LDAF1: variants seen among roughly 807,000 people sequenced by gnomAD.
LDAF1 encodes lipid droplet assembly factor 1.
In LDAF1, 7 loss-of-function variants were observed where a neutral mutation model predicts 13.5. The ratio of observed to expected loss-of-function variants is 0.52; its 90% CI spans 0.29 to 0.97. The LOEUF (loss-of-function observed/expected upper bound fraction) is 0.97, where lower values mean the gene tolerates loss of function less well. Among genes scored for constraint, LDAF1 ranks in the 50% least tolerant of loss-of-function variants. The probability of loss-of-function intolerance (pLI) is 0.07; values close to 1 mark genes in which losing one functional copy is unlikely to be tolerated. For synonymous variants in LDAF1, 69 were observed against 77.1 expected (o/e 0.89, Z 0.55); for missense variants, 148 against 193.2 (o/e 0.77, Z 1.39).
At chr16:21,160,159 A>G (rs931156805) in intron 1 of LDAF1, among the ~76,000 whole-genome samples, 1 of 139,270 alleles carries the variant, frequency 7.2e-6, no homozygotes, top group Admixed American at 7.4e-5. Flanking sequence ...CGTGGACACA[A>G]TCTTTTAAGC....
intron 3 of LDAF1, among the ~76,000 whole-genome samples, chr16:21,173,057 C>A (rs1013248982): frequency 1.3e-5 from 2 of 152,020 alleles, no homozygotes; most frequent in Non-Finnish European, 2.9e-5. Context: ...TTTCCTTGCA[C>A]GTATTAGATG....
chr16:21,161,335 A>T, intron 2 of LDAF1, 57 bp downstream of exon 2: 1 of 1,567,924 alleles, frequency 6.4e-7, no homozygotes. Context: ...TAGCATAAAC[A>T]AGATAGAAAG....
intron 2 of LDAF1, among the ~76,000 whole-genome samples, chr16:21,167,545 G>C (rs2093035618): frequency 6.6e-6 from 1 of 152,156 alleles, no homozygotes; most frequent in Admixed American, 6.5e-5. Context: ...GCCCGGTGAA[G>C]GAAAATAAAC....
At position 21,180,592 on chromosome 16, in the gene LDAF1, C is replaced by T. The variant is rs2093173325; in HGVS notation, c.*1036C>T. 6.6e-6 allele frequency: 1 copy of T among 152,182 alleles called. No homozygotes were observed. Among genetic ancestry groups the T allele is most frequent in the Non-Finnish European group, 1.5e-5 (1 of 68,034 alleles). The allele number at this position is 152,182 out of a possible 1,614,324, so 9.4% of individuals were successfully genotyped here. A position where few individuals can be genotyped will look rare whatever the true frequency, so the allele number is the denominator to read the frequency against. On this transcript the variant is annotated 3_prime_UTR_variant, in exon 5 of 5. Coordinates refer to ENST00000233047, the MANE Select transcript of LDAF1 (RefSeq NM_001301771.2). ...AAAGGACTAGTAAGTAAAAATAAAA[C>T]TTCCTATGGGATTTCCCAGTGGAAT...
chr16:21,177,457 G>A (rs988188841), intron 4 of LDAF1: 2 of 151,868 alleles, frequency 1.3e-5, no homozygotes, highest in Admixed American at 1.3e-4. Flanking sequence ...TTACCCATTG[G>A]TCAATGGGAG....
chr16:21,176,356 C>G (rs1480931008), intron 4 of LDAF1, among the ~76,000 whole-genome samples: 2 of 152,142 alleles, frequency 1.3e-5, no homozygotes, highest in Non-Finnish European at 2.9e-5. Context: ...ATTGAGGCAT[C>G]TGAAGAGATG....
chr16:21,164,428 T>C (rs1289473189), intron 2 of LDAF1, among the ~76,000 whole-genome samples: 1 of 152,074 alleles, frequency 6.6e-6, no homozygotes, highest in Non-Finnish European at 1.5e-5. Context: ...ATTTTATTTT[T>C]TGGAGAGACA....
At chr16:21,161,324 C>G (rs745742137) in intron 2 of LDAF1, 46 bp downstream of exon 2, 1 of 1,585,494 alleles carries the variant, frequency 6.3e-7, no homozygotes, top group Admixed American at 1.8e-5. Flanking sequence ...CAATATAACA[C>G]TAGCATAAAC....
chr16:21,168,579 ATATT>A (rs904550852), intron 2 of LDAF1, among the ~76,000 whole-genome samples: 6 of 143,868 alleles, frequency 4.2e-5, no homozygotes, highest in Non-Finnish European at 7.5e-5. Flanking sequence ...TAAATATAAT[ATATT>A]TATATAATAT....
intron 2 of LDAF1, chr16:21,165,500 CAG>C: frequency 2.7e-6 from 2 of 730,022 alleles, no homozygotes; most frequent in African/African-American, 3.9e-5. Context: ...CTGTGCCATA[CAG>C]TCCCTAAGTC....
intron 2 of LDAF1, among the ~76,000 whole-genome samples, chr16:21,168,062 T>C (rs531875718): frequency 8.7e-5 from 13 of 148,874 alleles, no homozygotes; most frequent in African/African-American, 2.4e-4. Context: ...TCATCCAGGC[T>C]GGAGTGCAAT....
intron 2 of LDAF1, among the ~76,000 whole-genome samples, chr16:21,163,347 A>T (rs2152842571): frequency 6.6e-6 from 1 of 152,232 alleles, no homozygotes; most frequent in African/African-American, 2.4e-5. Context: ...TCCACTAATG[A>T]CCTCAAAAGC....
At chr16:21,159,467 C>G in intron 1 of LDAF1, 1 of 1,606,582 alleles carries the variant, frequency 6.2e-7, no homozygotes, top group Non-Finnish European at 8.5e-7. Context: ...GTGACCCCTC[C>G]TCCCAGCTTG....
chr16:21,179,391 C>T, intron 4 of LDAF1, 84 bp from the exon 5 acceptor site: 2 of 1,610,068 alleles, frequency 1.2e-6, no homozygotes, highest in South Asian at 1.1e-5. Context: ...GGAAAAAGAA[C>T]ATCATGTATT....
chr16:21,175,419 G>A (rs1291037223), intron 4 of LDAF1, among the ~76,000 whole-genome samples: 1 of 152,168 alleles, frequency 6.6e-6, no homozygotes, highest in Non-Finnish European at 1.5e-5. Context: ...GATACAAAGT[G>A]ACTCTCTAAA....
At chr16:21,163,183 G>A (rs1236186260) in intron 2 of LDAF1, among the ~76,000 whole-genome samples, 1 of 152,146 alleles carries the variant, frequency 6.6e-6, no homozygotes, top group African/African-American at 2.4e-5. Context: ...ATTTTCAACA[G>A]TAAAATCACC....
Position 21,180,234 on chromosome 16 carries a change from T to C in LDAF1, c.*678T>C, listed in dbSNP as rs1040393721. 2.1e-5 allele frequency: 3 copies of C among 143,846 alleles called. No individual in the cohort carries two copies. The highest frequency in any genetic ancestry group is 3.0e-5 in the Non-Finnish European group (2 of 65,922). The allele number at this position is 143,846 out of a possible 1,614,324, so 8.9% of individuals were successfully genotyped here. The stretch of plus-strand genomic sequence containing the variant: ...CCTTTAAGTAATTTCTTTCTTTTTT[T>C]TTTTTTTTTTTTTTTGTGACGGAGT... On this transcript the variant is annotated 3_prime_UTR_variant, in exon 5 of 5. Coordinates refer to ENST00000233047, the MANE Select transcript of LDAF1 (RefSeq NM_001301771.2).
intron 4 of LDAF1, 95 bp from the exon 5 acceptor site, chr16:21,179,380 A>T: frequency 6.2e-7 from 1 of 1,606,312 alleles, no homozygotes; most frequent in South Asian, 1.1e-5. Flanking sequence ...GCTAAAAATC[A>T]GGAAAAAGAA....
At chr16:21,164,334 T>C (rs1293720634) in intron 2 of LDAF1, among the ~76,000 whole-genome samples, 7 of 152,098 alleles carry the variant, frequency 4.6e-5, no homozygotes. Flanking sequence ...GCCTCGAACT[T>C]CTGGTCTCAA....
Sources: gnomAD v4.1 joint callset for allele counts (sites outside exome capture counted in the v4.1 genomes callset) on GRCh38, gnomAD v4.1.1 for gene constraint, MANE v1.5 for transcripts, NCBI Gene and HGNC (gene_info 2026-07-23, HGNC 2026-07-21) for gene names.